POLN: variants seen among roughly 807,000 people sequenced by gnomAD.
POLN encodes DNA polymerase nu, also known as DNA polymerase N.
Under a neutral mutation model 113.5 loss-of-function variants are expected in POLN, and 108 were observed. The observed-to-expected ratio is 0.95, with a 90% CI of 0.81 to 1.12. The LOEUF is 1.12. Ranked by LOEUF, POLN falls within the 50% of genes most tolerant of loss-of-function variation. The pLI, the probability that POLN is intolerant of heterozygous loss-of-function variation, is 0.00. For synonymous variants in POLN, 386 were observed against 391.5 expected (o/e 0.99, Z 0.17); for missense variants, 1,097 against 1,077.1 (o/e 1.02, Z -0.26).
chr4:2,134,605 C>A (rs1731806776), intron 16 of POLN, among the ~76,000 whole-genome samples: 1 of 152,170 alleles, frequency 6.6e-6, no homozygotes, highest in Non-Finnish European at 1.5e-5. Context: ...AACCTCCCCA[C>A]CTTTTTGATA....
intron 16 of POLN, among the ~76,000 whole-genome samples, chr4:2,136,671 T>G (rs1731865965): frequency 6.6e-6 from 1 of 152,250 alleles, no homozygotes; most frequent in South Asian, 2.1e-4. Flanking sequence ...TAGTCTCAGC[T>G]GTGGGTGAAG....
rs34554757 is a variant in POLN, at chr4:2,085,677, A to C, written c.2133T>G (p.Phe711Leu). 1,973 of 1,614,146 alleles carry C rather than the reference A, an allele frequency of 1.2e-3. 31 individuals carry two copies. The African/African-American group carries it at 0.023, about 19-fold the overall frequency. Residue 711 changes from phenylalanine to leucine, a missense_variant, in exon 21 of 26, where the codon TTT becomes TTG. Coordinates refer to ENST00000511885, the MANE Select transcript of POLN (RefSeq NM_181808.4). ...IQEAAQFLES[F>L]LQKYKKIKDF... Reference sequence around the variant, plus strand: ...CCTTGATTTTCTTGTACTTCTGCAAAAAACTCTCCAAAAACTGGGCAGCTT... The same window carrying C: ...CCTTGATTTTCTTGTACTTCTGCAACAAACTCTCCAAAAACTGGGCAGCTT...
chr4:2,163,493 C>G (rs419193), intron 13 of POLN, among the ~76,000 whole-genome samples: 1 of 152,146 alleles, frequency 6.6e-6, no homozygotes, highest in African/African-American at 2.4e-5. Context: ...CATGGCTCCG[C>G]GGGCTCACCC....
intron 5 of POLN, among the ~76,000 whole-genome samples, chr4:2,203,070 C>A (rs1347258428): frequency 6.6e-6 from 1 of 152,178 alleles, no homozygotes; most frequent in African/African-American, 2.4e-5. Context: ...GTGCATGGAA[C>A]TTTCTCCAAG....
chr4:2,080,266 C>T (rs910126788), intron 23 of POLN: 5 of 987,840 alleles, frequency 5.1e-6, no homozygotes, highest in Non-Finnish European at 6.0e-6. Flanking sequence ...GGCTGCTTGT[C>T]CCCTGGCCAC....
At chr4:2,146,585 C>T (rs1732147654) in intron 16 of POLN, among the ~76,000 whole-genome samples, 1 of 151,926 alleles carries the variant, frequency 6.6e-6, no homozygotes, top group Non-Finnish European at 1.5e-5. Context: ...CTGTATTGGG[C>T]TCTATAGCTT....
At chr4:2,095,276 G>T (rs1257789001) in intron 20 of POLN, among the ~76,000 whole-genome samples, 1 of 152,110 alleles carries the variant, frequency 6.6e-6, no homozygotes, top group Admixed American at 6.5e-5. Context: ...GAGGCCCCAG[G>T]CAGCCCAAAC....
chr4:2,157,861 T>C lies in POLN; in HGVS notation c.1662A>G (p.Lys554=). The change falls in exon 15 of 26, where the codon AAA becomes AAG. Residue 554 remains lysine (K), a synonymous_variant. Transcript: ENST00000511885. ...TFVDGLLACM[K]KGSISSTWNQ... is the part of the protein sequence containing the mutation. ...ATCTTTTTGTAAAGCTTGTTACCTT[T>C]TTCATGCAAGCTAGTAATCCATCTA... is the stretch of plus-strand genomic sequence containing the variant. 1 of 1,605,962 alleles carries C rather than the reference T, an allele frequency of 6.2e-7. No individual in the cohort carries two copies.
At chr4:2,210,579 T>A (rs1477119100) in intron 4 of POLN, among the ~76,000 whole-genome samples, 3 of 116,460 alleles carry the variant, frequency 2.6e-5, no homozygotes, top group African/African-American at 6.6e-5. Flanking sequence ...TGAGAAAGTC[T>A]CAAAATAATA....
At chr4:2,159,068 C>T (rs1330270786) in intron 14 of POLN, 87 bp downstream of exon 14, 3 of 1,021,350 alleles carry the variant, frequency 2.9e-6, no homozygotes, top group Non-Finnish European at 4.6e-6. Context: ...GCTACTTCAG[C>T]CATTATGGAT....
At chr4:2,120,876 A>G (rs1731422353) in intron 19 of POLN, among the ~76,000 whole-genome samples, 1 of 152,178 alleles carries the variant, frequency 6.6e-6, no homozygotes, top group South Asian at 2.1e-4. Context: ...AAATGTGACC[A>G]ATTTTTGTGA....
intron 6 of POLN, among the ~76,000 whole-genome samples, chr4:2,194,049 G>A (rs929148237): frequency 2.0e-5 from 3 of 152,166 alleles, no homozygotes; most frequent in Non-Finnish European, 2.9e-5. Flanking sequence ...TGGACACTTC[G>A]CAGCATTGTG....
rs1730537156 is a variant in POLN at position 2,085,813 on chromosome 4, G to T, written c.2066-69C>A. ...CCGTGACTGTGTGCATGGGCTCAGT[G>T]AGTCAGGTCCAGCTGGCAGCACTGG... is the stretch of plus-strand genomic sequence containing the variant. On this transcript the variant is annotated intron_variant, in intron 20 of 25. Transcript: ENST00000511885. 4 of 1,593,286 alleles carry T rather than the reference G, an allele frequency of 2.5e-6. No homozygotes were observed. In the East Asian group the frequency reaches 8.9e-5, roughly 36 times the overall value.
intron 16 of POLN, among the ~76,000 whole-genome samples, chr4:2,153,183 A>G (rs1319031692): frequency 6.6e-6 from 1 of 152,238 alleles, no homozygotes; most frequent in African/African-American, 2.4e-5. Context: ...AAGAGGCAGG[A>G]AAGGAAAATT....
At position 2,169,364 on chromosome 4, in the gene POLN, C is replaced by T. The variant is rs192584790; in HGVS notation, c.1554+1315G>A. ...TTGGAGGGATCTAAGTGAGAAAGGT[C>T]TATGGTAGAGACGGGGGAATGGGGA... On this transcript the variant is annotated intron_variant, in intron 13 of 25. Coordinates refer to ENST00000511885, the MANE Select transcript of POLN (RefSeq NM_181808.4). Among the ~76,000 whole-genome samples, 308 of 152,218 alleles carry T rather than the reference C, an allele frequency of 2.0e-3. 1 individual carries two copies. Among genetic ancestry groups the T allele is most frequent in the Non-Finnish European group, 3.3e-3 (223 of 68,008 alleles).
At chr4:2,079,836 C>T (rs930185594) in intron 23 of POLN, 49 of 975,992 alleles carry the variant, frequency 5.0e-5, no homozygotes, top group East Asian at 4.6e-4. Context: ...CCACCCGTCT[C>T]GGCCTCCCAA....
chr4:2,149,081 C>T (rs886714058), intron 16 of POLN, among the ~76,000 whole-genome samples: 4 of 152,022 alleles, frequency 2.6e-5, no homozygotes, highest in African/African-American at 9.7e-5. Flanking sequence ...ATGGCTTGAG[C>T]TTAGGAGTTC....
chr4:2,104,410 G>A (rs1730997979), intron 19 of POLN, among the ~76,000 whole-genome samples: 1 of 152,208 alleles, frequency 6.6e-6, no homozygotes, highest in South Asian at 2.1e-4. Flanking sequence ...TGTACTAGGA[G>A]TGGAATTGCT....
At chr4:2,173,889 A>T in intron 11 of POLN, 66 bp downstream of exon 11, 1 of 1,450,004 alleles carries the variant, frequency 6.9e-7, no homozygotes, top group South Asian at 1.1e-5. Context: ...TAGACCTGCC[A>T]CTGGGAACAA....
Sources: gnomAD v4.1 joint callset for allele counts (sites outside exome capture counted in the v4.1 genomes callset) on GRCh38, gnomAD v4.1.1 for gene constraint, MANE v1.5 for transcripts, NCBI Gene and HGNC (gene_info 2026-07-23, HGNC 2026-07-21) for gene names.